PRR16: variants seen among roughly 807,000 people sequenced by gnomAD.
The protein encoded by PRR16 is proline rich 16, also known as protein Largen.
PRR16 carries 6 observed loss-of-function variants against 18.2 expected under a neutral mutation model. That is an observed-to-expected ratio of 0.33 (90% CI 0.18 to 0.65). The LOEUF (loss-of-function observed/expected upper bound fraction) is 0.65. PRR16 is among the 30% of genes least tolerant of loss of function. PRR16 has a pLI of 0.74. For missense variants in PRR16, 412 were observed against 376.6 expected (o/e 1.09, Z -0.78); for synonymous variants, 151 against 147.8 (o/e 1.02, Z -0.16).
intron 1 of PRR16, among the ~76,000 whole-genome samples, chr5:120,679,430 C>T (rs1295511019): frequency 6.6e-6 from 1 of 152,008 alleles, no homozygotes; most frequent in Admixed American, 6.6e-5. Flanking sequence ...TCTTTAGGTG[C>T]AATTTCATAC....
At chr5:120,753,557 T>C in the PRR16 span, among the ~76,000 whole-genome samples, 1 of 151,596 alleles carries the variant, frequency 6.6e-6, no homozygotes, top group East Asian at 1.9e-4. Flanking sequence ...TATTTTTTAT[T>C]AAAATTACAC....
At chr5:120,609,988 G>A (rs904680535) in intron 1 of PRR16, among the ~76,000 whole-genome samples, 3 of 152,110 alleles carry the variant, frequency 2.0e-5, no homozygotes, top group Non-Finnish European at 2.9e-5. Flanking sequence ...AAATAAGGAC[G>A]TTTATCTCCA....
chr5:120,652,737 G>T (rs985860067), intron 1 of PRR16, among the ~76,000 whole-genome samples: 9 of 151,964 alleles, frequency 5.9e-5, no homozygotes, highest in Non-Finnish European at 1.2e-4. Flanking sequence ...TCTTCAATGG[G>T]ATCGTGCAAC....
At chr5:120,554,576 T>C (rs1752353300) in intron 1 of PRR16, among the ~76,000 whole-genome samples, 1 of 151,926 alleles carries the variant, frequency 6.6e-6, no homozygotes, top group Non-Finnish European at 1.5e-5. Flanking sequence ...TTCTATTGCC[T>C]GAATGGGGAC....
intron 1 of PRR16, among the ~76,000 whole-genome samples, chr5:120,496,045 A>G (rs916637732): frequency 6.6e-6 from 1 of 152,036 alleles, no homozygotes; most frequent in Non-Finnish European, 1.5e-5. Flanking sequence ...ATTTTCACAA[A>G]TATTTTCACC....
intron 1 of PRR16, among the ~76,000 whole-genome samples, chr5:120,495,765 G>A (rs1221743573): frequency 1.3e-5 from 2 of 151,918 alleles, no homozygotes; most frequent in African/African-American, 4.8e-5. Context: ...TGCAAATACA[G>A]TTTTACTGCT....
the PRR16 span, among the ~76,000 whole-genome samples, chr5:120,764,182 G>A: frequency 7.2e-5 from 11 of 152,178 alleles, no homozygotes; most frequent in South Asian, 2.1e-4. Context: ...TCAGTGTGGT[G>A]TTTTCTGTGG....
chr5:120,739,589 A>G, the PRR16 span, among the ~76,000 whole-genome samples: 4 of 152,296 alleles, frequency 2.6e-5, no homozygotes, highest in African/African-American at 9.6e-5. Flanking sequence ...AGATAGTTTT[A>G]ACAAATTGGT....
At chr5:120,596,645 T>C (rs1753823462) in intron 1 of PRR16, among the ~76,000 whole-genome samples, 1 of 151,830 alleles carries the variant, frequency 6.6e-6, no homozygotes, top group African/African-American at 2.4e-5. Flanking sequence ...AAACAAAATA[T>C]CACAAATACA....
chr5:120,718,887 A>C, the PRR16 span, among the ~76,000 whole-genome samples: 2 of 152,064 alleles, frequency 1.3e-5, no homozygotes, highest in Non-Finnish European at 1.5e-5. Flanking sequence ...CCATTACCAC[A>C]ATGCATACCA....
At chr5:120,477,931 C>T (rs1749495970) in intron 1 of PRR16, among the ~76,000 whole-genome samples, 1 of 152,228 alleles carries the variant, frequency 6.6e-6, no homozygotes, top group African/African-American at 2.4e-5. Context: ...GTTCAGGCAA[C>T]TCCACATGTT....
chr5:120,508,132 A>G (rs1467199545), intron 1 of PRR16, among the ~76,000 whole-genome samples: 1 of 152,122 alleles, frequency 6.6e-6, no homozygotes, highest in Non-Finnish European at 1.5e-5. Context: ...TCAGCTGCAC[A>G]TACCTTTCCT....
chr5:120,487,875 C>T (rs191662380), intron 1 of PRR16, among the ~76,000 whole-genome samples: 1 of 152,250 alleles, frequency 6.6e-6, no homozygotes, highest in African/African-American at 2.4e-5. Context: ...TGAATTTTGT[C>T]AAAGGCCTTT....
chr5:120,789,462 T>C, the PRR16 span, among the ~76,000 whole-genome samples: 2 of 152,108 alleles, frequency 1.3e-5, no homozygotes, highest in Non-Finnish European at 2.9e-5. Context: ...TTCTCTGCTA[T>C]ATCAAGGAAA....
At chr5:120,788,259 A>G in the PRR16 span, among the ~76,000 whole-genome samples, 1 of 152,086 alleles carries the variant, frequency 6.6e-6, no homozygotes, top group Non-Finnish European at 1.5e-5. Context: ...AGAGTAGTAC[A>G]CAGTAGGTGA....
At chr5:120,621,830 CA>C (rs1754699590) in intron 1 of PRR16, among the ~76,000 whole-genome samples, 1 of 152,138 alleles carries the variant, frequency 6.6e-6, no homozygotes, top group Non-Finnish European at 1.5e-5. Flanking sequence ...AAGTGTAAGT[CA>C]ATTGAACCTC....
At chr5:120,550,940 A>G (rs1243214440) in intron 1 of PRR16, among the ~76,000 whole-genome samples, 1 of 152,016 alleles carries the variant, frequency 6.6e-6, no homozygotes, top group Non-Finnish European at 1.5e-5. Flanking sequence ...TATATATTCA[A>G]AGTATACAAT....
intron 1 of PRR16, among the ~76,000 whole-genome samples, chr5:120,529,371 T>C (rs1386487583): frequency 6.6e-6 from 1 of 152,164 alleles, no homozygotes; most frequent in Non-Finnish European, 1.5e-5. Context: ...TGTTCAACAA[T>C]GGCTTATTGA....
At chr5:120,679,163 T>C (rs1756898556) in intron 1 of PRR16, among the ~76,000 whole-genome samples, 1 of 152,168 alleles carries the variant, frequency 6.6e-6, no homozygotes, top group Non-Finnish European at 1.5e-5. Flanking sequence ...GTTTTAAAAC[T>C]CTCTTTGTTT....
Sources: gnomAD v4.1 joint callset for allele counts (sites outside exome capture counted in the v4.1 genomes callset) on GRCh38, gnomAD v4.1.1 for gene constraint, MANE v1.5 for transcripts, NCBI Gene and HGNC (gene_info 2026-07-23, HGNC 2026-07-21) for gene names.